CAP2: variants seen among roughly 807,000 people sequenced by gnomAD.
CAP2 encodes the protein cyclase associated actin cytoskeleton regulatory protein 2.
A neutral mutation model predicts 57.7 loss-of-function variants in CAP2; 24 were observed. That is an observed-to-expected ratio of 0.42 (90% CI 0.30 to 0.58). The LOEUF (loss-of-function observed/expected upper bound fraction) is 0.58. Ranked by LOEUF, CAP2 falls within the 20% of genes least tolerant of loss-of-function variation. The pLI, the probability that CAP2 is intolerant of heterozygous loss-of-function variation, is 0.22. For synonymous variants in CAP2, 194 were observed against 207.2 expected (o/e 0.94, Z 0.55); for missense variants, 501 against 590.3 (o/e 0.85, Z 1.57).
At chr6:17,486,061 T>C (rs1173076839) in intron 4 of CAP2, among the ~76,000 whole-genome samples, 1 of 152,100 alleles carries the variant, frequency 6.6e-6, no homozygotes, top group Non-Finnish European at 1.5e-5. Flanking sequence ...TCCAGTAAAA[T>C]AAGCCAGGCA....
chr6:17,505,473 G>C (rs746772530), intron 4 of CAP2, among the ~76,000 whole-genome samples: 1 of 152,054 alleles, frequency 6.6e-6, no homozygotes, highest in African/African-American at 2.4e-5. Flanking sequence ...GGCCACCCCC[G>C]GACCCGTTAA....
chr6:17,546,185 C>T (rs1320334407), intron 11 of CAP2, among the ~76,000 whole-genome samples: 1 of 152,150 alleles, frequency 6.6e-6, no homozygotes, highest in African/African-American at 2.4e-5. Context: ...CCTATTTCTC[C>T]ACATCCTCTC....
At chr6:17,540,800 C>A (rs1158138058) in intron 8 of CAP2, among the ~76,000 whole-genome samples, 173 bp from the exon 9 acceptor site, 1 of 152,206 alleles carries the variant, frequency 6.6e-6, no homozygotes, top group Non-Finnish European at 1.5e-5. Context: ...TGTCAACTCT[C>A]AACTTGTACA....
chr6:17,549,261 C>T (rs1483510885), intron 11 of CAP2, among the ~76,000 whole-genome samples: 1 of 152,152 alleles, frequency 6.6e-6, no homozygotes, highest in Non-Finnish European at 1.5e-5. Flanking sequence ...GTCGGGAGTT[C>T]GAGACCAGCC....
rs779569230 is a variant in CAP2, at chr6:17,463,063, A to C, written c.290A>C (p.Gln97Pro). The C allele has an allele frequency of 6.2e-7, 1 of 1,612,860 alleles. No individual in the cohort carries two copies. Among genetic ancestry groups the C allele is most frequent in the South Asian group, 1.1e-5 (1 of 91,032 alleles). Reference protein sequence around the residue: ...AFLLMASQYQQPHENDVAALL... With the variant: ...AFLLMASQYQPPHENDVAALL... ...CTTCTGATGGCCTCTCAGTACCAAC[A>C]ACCCCACGAGGTAAGAGAGTGTCCT... Residue 97 changes from glutamine (Q) to proline (P), a missense_variant, in exon 4 of 13, where the codon CAA becomes CCA. Physicochemically the swap from Gln to Pro is moderately conservative, Grantham distance 76. Transcript: ENST00000229922.
intron 2 of CAP2, among the ~76,000 whole-genome samples, chr6:17,425,098 T>C (rs1433391414): frequency 6.6e-6 from 1 of 152,182 alleles, no homozygotes; most frequent in Admixed American, 6.5e-5. Flanking sequence ...TCCATCACCC[T>C]TTGGGCCTGT....
chr6:17,525,477 AAAAG>A (rs1480827187), intron 7 of CAP2, among the ~76,000 whole-genome samples: 1 of 151,562 alleles, frequency 6.6e-6, no homozygotes, highest in Non-Finnish European at 1.5e-5. Context: ...TCAAAAAAAA[AAAAG>A]AAAGAAAAAA....
chr6:17,479,867 G>C (rs150130010), intron 4 of CAP2, among the ~76,000 whole-genome samples: 1 of 151,662 alleles, frequency 6.6e-6, no homozygotes, highest in South Asian at 2.1e-4. Flanking sequence ...CGCCCACCTC[G>C]GCCTCCCAAA....
intron 4 of CAP2, among the ~76,000 whole-genome samples, chr6:17,496,298 G>A (rs1416204068): frequency 1.3e-5 from 2 of 152,094 alleles, no homozygotes; most frequent in Non-Finnish European, 2.9e-5. Context: ...AAAAACATCA[G>A]GTTACGCAAA....
At chr6:17,551,402 A>G in intron 11 of CAP2, 62 bp from the exon 12 acceptor site, 1 of 1,314,346 alleles carries the variant, frequency 7.6e-7, no homozygotes, top group South Asian at 1.3e-5. Context: ...GATTGTATTT[A>G]TTCGAGGGCA....
At chr6:17,490,875 G>A (rs996693850) in intron 4 of CAP2, among the ~76,000 whole-genome samples, 8 of 152,186 alleles carry the variant, frequency 5.3e-5, no homozygotes, top group Non-Finnish European at 8.8e-5. Context: ...TTAACAGCTG[G>A]TGAAGCTGCC....
intron 11 of CAP2, among the ~76,000 whole-genome samples, chr6:17,550,536 C>T (rs1198332139): frequency 2.0e-5 from 3 of 151,182 alleles, no homozygotes; most frequent in Non-Finnish European, 4.4e-5. Flanking sequence ...ATCACTCGCA[C>T]CATCAATAAA....
At position 17,546,752 on chromosome 6, in the gene CAP2, T is replaced by A. The variant is rs567854155; in HGVS notation, c.1209+3609T>A. 4.6e-5 allele frequency among the ~76,000 whole-genome samples: 7 copies of A among 152,288 alleles called. No individual in the cohort carries two copies. In the East Asian group the frequency reaches 1.4e-3, roughly 29 times the overall value. On this transcript the variant is annotated intron_variant, in intron 11 of 12. Coordinates refer to ENST00000229922, the MANE Select transcript of CAP2 (RefSeq NM_006366.3). ...TTGAATGGGCAAAAACTGGAAGCAC[T>A]CCCTTCGAAAACTGGCACAAGACAG...
chr6:17,496,544 T>C (rs1761673588), intron 4 of CAP2, among the ~76,000 whole-genome samples: 1 of 152,076 alleles, frequency 6.6e-6, no homozygotes, highest in Non-Finnish European at 1.5e-5. Flanking sequence ...CAGGCTGGTC[T>C]CAAACTCCTG....
chr6:17,522,087 C>G (rs1206189885), intron 7 of CAP2, among the ~76,000 whole-genome samples: 1 of 151,494 alleles, frequency 6.6e-6, no homozygotes, highest in Non-Finnish European at 1.5e-5. Context: ...CTAGCCTGGG[C>G]GACAGAGCAA....
chr6:17,527,423 C>T (rs920084769), intron 7 of CAP2, among the ~76,000 whole-genome samples: 1 of 152,084 alleles, frequency 6.6e-6, no homozygotes, highest in African/African-American at 2.4e-5. Context: ...ATTGTATTCT[C>T]AAGCTGGCAG....
In CAP2 at chr6:17,512,842, G is replaced by C. The variant is rs189361062; in HGVS notation, c.531-1007G>C. 3.9e-5 allele frequency among the ~76,000 whole-genome samples: 6 copies of C among 152,228 alleles called. No homozygotes were observed. The East Asian group carries it at 1.2e-3, about 29-fold the overall frequency. ...TAAATGGCATGCCTTAATACAATAG[G>C]ATTCTAAACATGCTGGTGGTACTTT... On this transcript the variant is annotated intron_variant, in intron 6 of 12. Coordinates refer to ENST00000229922, the MANE Select transcript of CAP2 (RefSeq NM_006366.3).
At chr6:17,546,552 G>C (rs1312343640) in intron 11 of CAP2, among the ~76,000 whole-genome samples, 3 of 152,174 alleles carry the variant, frequency 2.0e-5, no homozygotes, top group Admixed American at 2.0e-4. Context: ...AGTTTAATTA[G>C]ATCCCATTTG....
At chr6:17,472,672 C>T (rs1343942502) in intron 4 of CAP2, among the ~76,000 whole-genome samples, 1 of 152,074 alleles carries the variant, frequency 6.6e-6, no homozygotes, top group Non-Finnish European at 1.5e-5. Flanking sequence ...GGCTACTGCC[C>T]GTGCTGGATG....
Sources: gnomAD v4.1 joint callset for allele counts (sites outside exome capture counted in the v4.1 genomes callset) on GRCh38, gnomAD v4.1.1 for gene constraint, MANE v1.5 for transcripts, NCBI Gene and HGNC (gene_info 2026-07-23, HGNC 2026-07-21) for gene names.